SPATS2L: variants seen among roughly 807,000 people sequenced by gnomAD.
SPATS2L encodes the protein SPATS2-like protein.
In SPATS2L, 30 loss-of-function variants were observed where a neutral mutation model predicts 59.6. That is an observed-to-expected ratio of 0.50 (90% CI 0.38 to 0.68). SPATS2L has a LOEUF of 0.68. SPATS2L is among the 30% of genes least tolerant of loss of function. The pLI is 0.00. For missense variants in SPATS2L, 615 were observed against 700.0 expected, an observed-to-expected ratio of 0.88 and a Z score of 1.37; for synonymous variants, 252 against 263.5, an observed-to-expected ratio of 0.96 and a Z score of 0.42.
intron 6 of SPATS2L, among the ~76,000 whole-genome samples, chr2:200,436,944 C>A (rs1416987518): frequency 3.3e-5 from 5 of 152,068 alleles, no homozygotes; most frequent in African/African-American, 4.8e-5. Flanking sequence ...AGTTCTTGCT[C>A]AGTTACTTCA....
At position 200,476,161 on chromosome 2, in the gene SPATS2L, G is replaced by C. The variant is rs567686342; in HGVS notation, c.1282-1475G>C. On this transcript the variant is annotated intron_variant, in intron 12 of 12. Coordinates refer to ENST00000409140, the MANE Select transcript of SPATS2L (RefSeq NM_001100423.2). ...GAGCTTAATCCATTGCGTCCTTACTGCTCATCCATTTACGTTCCTGGTCAG... is the reference window on the plus strand; with the variant it reads ...GAGCTTAATCCATTGCGTCCTTACTCCTCATCCATTTACGTTCCTGGTCAG... 2.6e-5 allele frequency among the ~76,000 whole-genome samples: 4 copies of C among 152,250 alleles called. No homozygotes were observed. In the South Asian group the frequency reaches 8.3e-4, roughly 32 times the overall value.
chr2:200,314,218 A>G (rs916595706), intron 1 of SPATS2L, among the ~76,000 whole-genome samples: 1 of 152,180 alleles, frequency 6.6e-6, no homozygotes, highest in African/African-American at 2.4e-5. Context: ...TGTGTTTTCT[A>G]TCTCAATGAA....
chr2:200,446,108 G>T (rs2085026302), intron 8 of SPATS2L, among the ~76,000 whole-genome samples: 1 of 152,156 alleles, frequency 6.6e-6, no homozygotes, highest in Non-Finnish European at 1.5e-5. Flanking sequence ...GAAGGCCGAG[G>T]CAGGAGGATT....
chr2:200,419,502 T>C lies in SPATS2L; in HGVS notation c.445+6T>C, dbSNP rs1484859514. On this transcript the variant is annotated splice_donor_region_variant and intron_variant, in intron 6 of 12. Transcript: ENST00000409140. Reference sequence around the variant, plus strand: ...GGCACTTCGTGGGGTCACAGGTCAGTAATGCTTAAGTAAAATTGCTTAGGA... The same window carrying C: ...GGCACTTCGTGGGGTCACAGGTCAGCAATGCTTAAGTAAAATTGCTTAGGA... The C allele has an allele frequency of 6.2e-7, 1 of 1,612,940 alleles. No individual in the cohort carries two copies. The highest frequency in any genetic ancestry group is 1.3e-5 in the African/African-American group (1 of 74,842).
Position 200,306,791 on chromosome 2 carries a change from C to G in SPATS2L, c.-204C>G. 8 of 981,172 alleles carry G rather than the reference C, an allele frequency of 8.2e-6. No individual in the cohort carries two copies. Among genetic ancestry groups the G allele is most frequent in the Non-Finnish European group, 9.7e-6 (8 of 828,050 alleles). The allele number at this position is 981,172 out of a possible 1,614,324, so 60.8% of individuals were successfully genotyped here. On this transcript the variant is annotated 5_prime_UTR_variant, in exon 1 of 13. Transcript: ENST00000409140. ...GGGCGAGCTCCGGACGGCGCGCGGC[C>G]CAGGCAGCGGCTCCCGCTCGGCCCG...
Position 200,329,469 on chromosome 2 carries a change from G to A in SPATS2L, c.-34G>A. The A allele has an allele frequency of 1.3e-6, 2 of 1,550,532 alleles. No homozygotes were observed. The highest frequency in any genetic ancestry group is 2.4e-5 in the South Asian group (2 of 84,060). ...CCAGGCTGCTTTCAGGAACATTGCT[G>A]TGGATTCCCAGGTGAGTAGAGATGG... On this transcript the variant is annotated 5_prime_UTR_variant, in exon 2 of 13. The change creates a new upstream start codon in the 5' untranslated region. Transcript: ENST00000409140.
chr2:200,326,396 A>G (rs1346819333), intron 1 of SPATS2L, among the ~76,000 whole-genome samples: 1 of 152,258 alleles, frequency 6.6e-6, no homozygotes, highest in Non-Finnish European at 1.5e-5. Context: ...AAATTATTAA[A>G]AAGAAGAAAA....
chr2:200,458,625 G>T (rs1431481737), intron 8 of SPATS2L, among the ~76,000 whole-genome samples: 1 of 151,962 alleles, frequency 6.6e-6, no homozygotes, highest in Non-Finnish European at 1.5e-5. Flanking sequence ...ATTGCAAAGG[G>T]GATGAGAAAA....
At chr2:200,456,905 C>A (rs1023149989) in intron 8 of SPATS2L, among the ~76,000 whole-genome samples, 3 of 152,116 alleles carry the variant, frequency 2.0e-5, no homozygotes, top group Non-Finnish European at 2.9e-5. Context: ...TCGTCATTTT[C>A]TTTCCTCTCT....
chr2:200,345,084 A>G (rs1172926283), intron 2 of SPATS2L, among the ~76,000 whole-genome samples: 2 of 152,080 alleles, frequency 1.3e-5, no homozygotes, highest in Admixed American at 6.5e-5. Context: ...ATTAGATCCT[A>G]TTTGTCAGTT....
chr2:200,411,591 G>T (rs541336387), intron 3 of SPATS2L, among the ~76,000 whole-genome samples: 1 of 152,180 alleles, frequency 6.6e-6, no homozygotes, highest in Non-Finnish European at 1.5e-5. Flanking sequence ...TGAGATAAAG[G>T]TCAATTAATT....
At chr2:200,406,782 G>A (rs1167808295) in intron 3 of SPATS2L, among the ~76,000 whole-genome samples, 1 of 152,136 alleles carries the variant, frequency 6.6e-6, no homozygotes, top group Non-Finnish European at 1.5e-5. Context: ...TGTTACTGCT[G>A]TATCCAGCCT....
chr2:200,438,327 C>G (rs1456570825), intron 6 of SPATS2L, among the ~76,000 whole-genome samples: 1 of 152,102 alleles, frequency 6.6e-6, no homozygotes, highest in East Asian at 1.9e-4. Context: ...CCTTCAAGAG[C>G]ACACTGGCTT....
intron 6 of SPATS2L, among the ~76,000 whole-genome samples, chr2:200,428,394 C>T (rs2083710917): frequency 6.6e-6 from 1 of 152,182 alleles, no homozygotes; most frequent in East Asian, 1.9e-4. Flanking sequence ...ATGACACTCT[C>T]CTGATTGTGT....
rs890744991 is a variant in SPATS2L, at chr2:200,306,726, C to T, written c.-269C>T. 8.1e-5 allele frequency: 79 copies of T among 970,540 alleles called. No homozygotes were observed. The highest frequency in any genetic ancestry group is 9.6e-5 in the Non-Finnish European group (79 of 824,180). The allele number at this position is 970,540 out of a possible 1,614,324, so 60.1% of individuals were successfully genotyped here. ...CAGTGAAGGAATCCAGTCCGGGGGC[C>T]GAGCTGGCTGCGCCCTCCGCTGCAA... On this transcript the variant is annotated 5_prime_UTR_variant, in exon 1 of 13. Transcript: ENST00000409140.
chr2:200,346,490 A>C (rs1392428655), intron 2 of SPATS2L, among the ~76,000 whole-genome samples: 1 of 152,154 alleles, frequency 6.6e-6, no homozygotes, highest in Non-Finnish European at 1.5e-5. Flanking sequence ...GTGTCTGTTA[A>C]CACTCCATTT....
chr2:200,477,014 A>T (rs540630717), intron 12 of SPATS2L, among the ~76,000 whole-genome samples: 1 of 152,342 alleles, frequency 6.6e-6, no homozygotes, highest in South Asian at 2.1e-4. Flanking sequence ...TCTCCGACTC[A>T]GACTGCAGTC....
At chr2:200,350,709 T>C (rs954901665) in intron 2 of SPATS2L, among the ~76,000 whole-genome samples, 2 of 151,904 alleles carry the variant, frequency 1.3e-5, no homozygotes, top group African/African-American at 4.8e-5. Flanking sequence ...GTTTGTTTGT[T>C]TTTTTAGTAG....
chr2:200,430,869 C>T (rs2083883696), intron 6 of SPATS2L, among the ~76,000 whole-genome samples: 1 of 152,046 alleles, frequency 6.6e-6, no homozygotes, highest in Admixed American at 6.6e-5. Context: ...AGGCGCCTGC[C>T]ACCACTTCCA....
Sources: gnomAD v4.1 joint callset for allele counts (sites outside exome capture counted in the v4.1 genomes callset) on GRCh38, gnomAD v4.1.1 for gene constraint, MANE v1.5 for transcripts, NCBI Gene and HGNC (gene_info 2026-07-23, HGNC 2026-07-21) for gene names.